ASAP2: variants seen among roughly 807,000 people sequenced by gnomAD.
ASAP2 encodes the protein arf-GAP with SH3 domain, ANK repeat and PH domain-containing protein 2.
In ASAP2, 45 loss-of-function variants were observed where a neutral mutation model predicts 131.4. That is an observed-to-expected ratio of 0.34 (90% CI 0.27 to 0.44). The LOEUF is 0.44. ASAP2 is among the 20% of genes least tolerant of loss of function. ASAP2 has a pLI of 1.00. For synonymous variants in ASAP2, 510 were observed against 503.0 expected (o/e 1.01, Z -0.19); for missense variants, 1,011 against 1,297.0 (o/e 0.78, Z 3.39).
chr2:9,251,004 G>A (rs188295389), intron 1 of ASAP2, among the ~76,000 whole-genome samples: 152 of 152,352 alleles, frequency 1.0e-3, no homozygotes, highest in African/African-American at 3.6e-3. Flanking sequence ...GCTCACCAAG[G>A]AGGTGGCATT....
At chr2:9,362,391 G>T (rs1347091720) in intron 15 of ASAP2, among the ~76,000 whole-genome samples, 1 of 152,066 alleles carries the variant, frequency 6.6e-6, no homozygotes, top group East Asian at 1.9e-4. Context: ...TGACAGCAAA[G>T]GATTTTATTT....
chr2:9,395,594 C>CTTTTTTTCTTTTTTTT (rs1676063940), intron 24 of ASAP2, among the ~76,000 whole-genome samples: 1 of 59,048 alleles, frequency 1.7e-5, no homozygotes, highest in African/African-American at 5.3e-5. Context: ...TGTTTTTTTT[C>CTTTTTTTCTTTTTTTT]TTTTTTTTTT....
chr2:9,209,634 A>G (rs1379816797), intron 1 of ASAP2, among the ~76,000 whole-genome samples: 1 of 152,250 alleles, frequency 6.6e-6, no homozygotes, highest in South Asian at 2.1e-4. Flanking sequence ...CAATGGCACA[A>G]TCTTGGCTCA....
In ASAP2 at chr2:9,403,400, C is replaced by G; in HGVS notation, c.*73C>G. 1 of 1,456,444 alleles carries G rather than the reference C, an allele frequency of 6.9e-7. No homozygotes were observed. Among genetic ancestry groups the G allele is most frequent in the East Asian group, 2.3e-5 (1 of 43,746 alleles). The allele number at this position is 1,456,444 out of a possible 1,614,324, so 90.2% of individuals were successfully genotyped here. A position where few individuals can be genotyped will look rare whatever the true frequency, so the allele number is the denominator to read the frequency against. Reference sequence around the variant, plus strand: ...TGGTACCAAAACTCTTGCCAGATAACCAGTTTCATGAACTGTTTGTATGGC... The same window carrying G: ...TGGTACCAAAACTCTTGCCAGATAAGCAGTTTCATGAACTGTTTGTATGGC... On this transcript the variant is annotated 3_prime_UTR_variant, in exon 28 of 28. Coordinates refer to ENST00000281419, the MANE Select transcript of ASAP2 (RefSeq NM_003887.3).
At chr2:9,238,246 CCT>C (rs1663692178) in intron 1 of ASAP2, among the ~76,000 whole-genome samples, 1 of 152,218 alleles carries the variant, frequency 6.6e-6, no homozygotes, top group South Asian at 2.1e-4. Flanking sequence ...AACCTCAGCT[CCT>C]CTAGTCTTTG....
At chr2:9,377,700 G>A (rs1245048839) in intron 18 of ASAP2, among the ~76,000 whole-genome samples, 2 of 152,194 alleles carry the variant, frequency 1.3e-5, no homozygotes, top group Non-Finnish European at 2.9e-5. Context: ...TTGCTCCAAA[G>A]GAAATGGAAA....
rs533090914 is a variant in ASAP2 at position 9,311,340 on chromosome 2, G to A, written c.346-7184G>A. On this transcript the variant is annotated intron_variant, in intron 3 of 27. Coordinates refer to ENST00000281419, the MANE Select transcript of ASAP2 (RefSeq NM_003887.3). This position sits in a 1 kb window ranked among gnomAD's most constrained non-coding sequence, Gnocchi z 5.2. ...TGGAGCCCCACTGTGCTCCATCCTG[G>A]GTGAGAGGCACTCTCTCAAAAAAAA... 6.6e-6 allele frequency among the ~76,000 whole-genome samples: 1 copy of A among 151,406 alleles called. No individual in the cohort carries two copies. Among genetic ancestry groups the A allele is most frequent in the South Asian group, 2.1e-4 (1 of 4,786 alleles).
At chr2:9,317,452 A>T (rs118202859) in intron 3 of ASAP2, among the ~76,000 whole-genome samples, 67 of 150,828 alleles carry the variant, frequency 4.4e-4, no homozygotes, top group Middle Eastern at 3.5e-3. Flanking sequence ...TCTCACACAC[A>T]CATGTGCATT....
At chr2:9,345,164 C>T (rs1230062475) in intron 11 of ASAP2, among the ~76,000 whole-genome samples, 1 of 152,126 alleles carries the variant, frequency 6.6e-6, no homozygotes, top group Admixed American at 6.5e-5. Context: ...GCTCCCCCAG[C>T]TCTCTTTGTC....
chr2:9,361,249 G>A (rs932458026), intron 15 of ASAP2, among the ~76,000 whole-genome samples: 2 of 152,240 alleles, frequency 1.3e-5, no homozygotes, highest in Middle Eastern at 3.4e-3. Flanking sequence ...TTTTTCCTCA[G>A]TGGTTATCAG....
intron 7 of ASAP2, among the ~76,000 whole-genome samples, chr2:9,330,253 C>T (rs1670744533): frequency 6.6e-6 from 1 of 152,154 alleles, no homozygotes; most frequent in Non-Finnish European, 1.5e-5. Context: ...AGAGTGAAAT[C>T]ATGTCTTTTG....
chr2:9,265,457 T>C (rs1413304366), intron 1 of ASAP2, among the ~76,000 whole-genome samples: 1 of 152,208 alleles, frequency 6.6e-6, no homozygotes, highest in African/African-American at 2.4e-5. Context: ...AATACCCTGC[T>C]TGATGGGAGG....
intron 2 of ASAP2, among the ~76,000 whole-genome samples, chr2:9,287,755 A>C (rs1667557717): frequency 1.3e-5 from 2 of 150,808 alleles, no homozygotes; most frequent in Non-Finnish European, 3.0e-5. Context: ...TCCAGTTGTG[A>C]GACTCTGGAG....
intron 12 of ASAP2, among the ~76,000 whole-genome samples, chr2:9,355,216 C>T (rs1672618446): frequency 6.6e-6 from 1 of 152,144 alleles, no homozygotes; most frequent in Non-Finnish European, 1.5e-5. Context: ...TTTTCTGTTC[C>T]AGAATTCTAT....
chr2:9,359,903 A>C (rs904018166), intron 15 of ASAP2, among the ~76,000 whole-genome samples: 10 of 152,248 alleles, frequency 6.6e-5, no homozygotes, highest in African/African-American at 2.2e-4. Context: ...TTAGTTACTT[A>C]CAGTTTAAAA....
At position 9,300,522 on chromosome 2, in the gene ASAP2, T is replaced by C. The variant is rs1043102851; in HGVS notation, c.345+3077T>C. Among the ~76,000 whole-genome samples the C allele has an allele frequency of 8.5e-5, 13 of 152,262 alleles. 1 individual carries two copies. The highest frequency in any genetic ancestry group is 2.9e-5 in the Non-Finnish European group (2 of 68,046). On this transcript the variant is annotated intron_variant, in intron 3 of 27. Transcript: ENST00000281419. ...CTTCACATATCACTGCAGGTCCTAG[T>C]TGCTGTCCAGCTTTCTACAGAGAGT...
chr2:9,268,992 G>A lies in ASAP2; in HGVS notation c.127-10325G>A, dbSNP rs1382074953. Among the ~76,000 whole-genome samples, 1 of 152,152 alleles carries A rather than the reference G, an allele frequency of 6.6e-6. No homozygotes were observed. Among genetic ancestry groups the A allele is most frequent in the Non-Finnish European group, 1.5e-5 (1 of 68,036 alleles). Reference sequence around the variant, plus strand: ...CTGTCAGGGCTGGGAGGAGTGGGGTGCAGGGGCCGCTGGTGCTGTGGGAGG... The same window carrying A: ...CTGTCAGGGCTGGGAGGAGTGGGGTACAGGGGCCGCTGGTGCTGTGGGAGG... On this transcript the variant is annotated intron_variant, in intron 1 of 27. Transcript: ENST00000281419. The surrounding 1 kb of genome is among the most constrained non-coding windows in gnomAD (Gnocchi z 4.1).
At chr2:9,276,277 C>G (rs916494008) in intron 1 of ASAP2, among the ~76,000 whole-genome samples, 3 of 152,094 alleles carry the variant, frequency 2.0e-5, no homozygotes, top group Admixed American at 6.5e-5. Flanking sequence ...GCATCAGAGG[C>G]CTTCTCAGGA....
chr2:9,228,605 G>T (rs1006063481), intron 1 of ASAP2, among the ~76,000 whole-genome samples: 1 of 152,122 alleles, frequency 6.6e-6, no homozygotes, highest in Non-Finnish European at 1.5e-5. Flanking sequence ...CCTGAGCAGA[G>T]TTCATGTGTG....
Sources: gnomAD v4.1 joint callset for allele counts (sites outside exome capture counted in the v4.1 genomes callset) on GRCh38, gnomAD v4.1.1 for gene constraint, Gnocchi (gnomAD v3.1) non-coding constraint, MANE v1.5 for transcripts, NCBI Gene and HGNC (gene_info 2026-07-23, HGNC 2026-07-21) for gene names.